PHTF1: variants seen among roughly 807,000 people sequenced by gnomAD.
PHTF1 encodes the protein protein PHTF1.
A neutral mutation model predicts 102.4 loss-of-function variants in PHTF1; 88 were observed. The observed-to-expected ratio is 0.86, with a 90% CI of 0.72 to 1.03. The LOEUF (loss-of-function observed/expected upper bound fraction) is 1.03, where lower values mean the gene tolerates loss of function less well. Ranked by LOEUF, PHTF1 falls within the 50% of genes least tolerant of loss-of-function variation. The pLI is 0.00. For synonymous variants in PHTF1, 289 were observed against 305.2 expected (o/e 0.95, Z 0.55); for missense variants, 814 against 909.5 (o/e 0.89, Z 1.35).
Position 113,758,699 on chromosome 1 carries a change from G to T in PHTF1, c.5C>A (p.Ala2Asp). Reference sequence around the variant, plus strand: ...CGATATAGCATCTCTCTCATTTGAGGCCATCTGTGTCTCCAGCCAGAGAAT... The same window carrying T: ...CGATATAGCATCTCTCTCATTTGAGTCCATCTGTGTCTCCAGCCAGAGAAT... MASNERDAISWY... is the reference protein window; with the variant it reads MDSNERDAISWY... Residue 2 changes from alanine (A) to aspartate (D), a missense_variant, in exon 2 of 19, where the codon GCC becomes GAC. Ala to Asp is a moderately radical substitution (Grantham distance 126). Coordinates refer to ENST00000369604, the MANE Select transcript of PHTF1 (RefSeq NM_001323043.2). 6.2e-7 allele frequency: 1 copy of T among 1,610,032 alleles called. No individual in the cohort carries two copies. Among genetic ancestry groups the T allele is most frequent in the African/African-American group, 1.3e-5 (1 of 74,858 alleles).
intron 7 of PHTF1, among the ~76,000 whole-genome samples, chr1:113,723,350 G>T (rs1010044898): frequency 1.3e-5 from 2 of 152,022 alleles, no homozygotes; most frequent in African/African-American, 4.8e-5. Flanking sequence ...GATAATTCTT[G>T]TATTTTTAGT....
intron 5 of PHTF1, among the ~76,000 whole-genome samples, chr1:113,731,026 G>T (rs945221523): frequency 1.3e-5 from 2 of 152,128 alleles, no homozygotes; most frequent in Non-Finnish European, 2.9e-5. Flanking sequence ...GAAATAGGGA[G>T]TTTAATGGGT....
chr1:113,758,577 G>A (rs1004387359), intron 2 of PHTF1, 82 bp downstream of exon 2: 7 of 764,806 alleles, frequency 9.2e-6, no homozygotes, highest in African/African-American at 7.3e-5. Flanking sequence ...CTAAACTCGG[G>A]GGAAAGTAAC....
chr1:113,730,864 C>T (rs367631225), intron 5 of PHTF1, among the ~76,000 whole-genome samples: 7 of 152,284 alleles, frequency 4.6e-5, no homozygotes, highest in South Asian at 2.1e-4. Flanking sequence ...CTGAAACATT[C>T]TACATGGGTA....
chr1:113,749,461 C>T (rs376640876), intron 3 of PHTF1: 1 of 152,190 alleles, frequency 6.6e-6, no homozygotes, highest in Non-Finnish European at 1.5e-5. Context: ...ATAAATCTGA[C>T]GACCAGACTT....
Position 113,746,125 on chromosome 1 carries a change from G to A in PHTF1, c.103-7326C>T, listed in dbSNP as rs115617383. 3.5e-3 allele frequency among the ~76,000 whole-genome samples: 529 copies of A among 152,278 alleles called. 4 individuals are homozygous for A. The highest frequency in any genetic ancestry group is 0.012 in the African/African-American group (502 of 41,564). ...ACCTGGCTGTGTTTCAGCTAGATTTGCACATAAGCAATAGTTTGCCAACCA... is the reference window on the plus strand; with the variant it reads ...ACCTGGCTGTGTTTCAGCTAGATTTACACATAAGCAATAGTTTGCCAACCA... On this transcript the variant is annotated intron_variant, in intron 3 of 18. Transcript: ENST00000369604.
chr1:113,722,157 T>C (rs984177806), intron 7 of PHTF1, among the ~76,000 whole-genome samples: 1 of 151,682 alleles, frequency 6.6e-6, no homozygotes, highest in African/African-American at 2.4e-5. Flanking sequence ...ATGTAAGAAA[T>C]TGAAGAGAAC....
At chr1:113,724,158 C>A (rs189628527) in intron 7 of PHTF1, among the ~76,000 whole-genome samples, 98 of 152,254 alleles carry the variant, frequency 6.4e-4, no homozygotes, top group Middle Eastern at 3.4e-3. Context: ...AACCCCCGTA[C>A]ACTGTTGGTG....
chr1:113,729,479 T>C (rs531008246), intron 5 of PHTF1, among the ~76,000 whole-genome samples: 10 of 152,304 alleles, frequency 6.6e-5, no homozygotes, highest in South Asian at 2.1e-4. Flanking sequence ...GTATTATGCA[T>C]TGCATGCCTG....
intron 3 of PHTF1, among the ~76,000 whole-genome samples, chr1:113,740,025 C>G (rs1370668335): frequency 1.3e-5 from 2 of 152,160 alleles, no homozygotes; most frequent in South Asian, 4.1e-4. Flanking sequence ...CTATTGTGAA[C>G]AGTGCTGCAA....
chr1:113,755,942 C>T (rs1436562776), intron 3 of PHTF1, among the ~76,000 whole-genome samples: 1 of 151,856 alleles, frequency 6.6e-6, no homozygotes, highest in Non-Finnish European at 1.5e-5. Context: ...TGGCGGGCCC[C>T]TGTAGTCCCA....
intron 3 of PHTF1, among the ~76,000 whole-genome samples, chr1:113,739,481 C>T (rs2101609631): frequency 6.6e-6 from 1 of 152,208 alleles, no homozygotes; most frequent in South Asian, 2.1e-4. Flanking sequence ...TATAATTGTG[C>T]ATATTTATGG....
chr1:113,758,797 A>G, intron 1 of PHTF1, 64 bp from the exon 2 acceptor site: 2 of 1,521,084 alleles, frequency 1.3e-6, no homozygotes, highest in Middle Eastern at 1.8e-4. Flanking sequence ...CAGTTTGGGT[A>G]GGACGCGAAA....
intron 3 of PHTF1, among the ~76,000 whole-genome samples, chr1:113,755,555 G>C (rs766198676): frequency 8.5e-5 from 13 of 152,280 alleles, no homozygotes; most frequent in Non-Finnish European, 1.5e-4. Flanking sequence ...ATTACCCTAT[G>C]AGAGAACGAG....
intron 18 of PHTF1, 67 bp downstream of exon 18, chr1:113,698,195 A>C: frequency 1.7e-6 from 2 of 1,165,634 alleles, no homozygotes; most frequent in Non-Finnish European, 2.5e-6. Context: ...ACACGTGTGA[A>C]GAACACAGAT....
intron 5 of PHTF1, among the ~76,000 whole-genome samples, chr1:113,737,495 T>C (rs1024276459): frequency 2.6e-5 from 4 of 152,188 alleles, no homozygotes; most frequent in African/African-American, 4.8e-5. Context: ...TGAGACTACT[T>C]AGAGAATAGA....
At chr1:113,716,786 A>G (rs954528329) in intron 7 of PHTF1, among the ~76,000 whole-genome samples, 4 of 152,230 alleles carry the variant, frequency 2.6e-5, no homozygotes, top group Admixed American at 2.6e-4. Flanking sequence ...TTTCATCAAC[A>G]ACAGACCTGC....
chr1:113,727,556 A>T (rs1179007738), intron 5 of PHTF1, among the ~76,000 whole-genome samples: 1 of 152,276 alleles, frequency 6.6e-6, no homozygotes, highest in Non-Finnish European at 1.5e-5. Flanking sequence ...AATATTTGGC[A>T]CAGACACAAT....
At position 113,706,008 on chromosome 1, in the gene PHTF1, C is replaced by G; in HGVS notation, c.1553G>C (p.Cys518Ser). 1.2e-6 allele frequency: 2 copies of G among 1,614,078 alleles called. No homozygotes were observed. Among genetic ancestry groups the G allele is most frequent in the Non-Finnish European group, 1.7e-6 (2 of 1,179,990 alleles). ...AATAGGTGTAACAGGTGGTGCCCCA[C>G]AAAAGAGAGTCAAGATCTCCTCAGC... ...ISAEEILTLF[C>S]GAPPVTPIIV... Residue 518 changes from cysteine (C) to serine (S), a missense_variant, in exon 13 of 19, where the codon TGT (cysteine) becomes TCT (serine). Transcript: ENST00000369604.
Sources: allele counts gnomAD v4.1 joint callset (sites outside exome capture counted in the v4.1 genomes callset), GRCh38; gene constraint gnomAD v4.1.1; transcripts MANE v1.5; gene names NCBI Gene and HGNC (gene_info 2026-07-23, HGNC 2026-07-21).